The following CDC20B variants were observed in gnomAD, a reference collection of about 807,000 sequenced individuals.
CDC20B encodes the protein cell division cycle 20B.
CDC20B carries 58 observed loss-of-function variants against 64.1 expected under a neutral mutation model. The ratio of observed to expected loss-of-function variants is 0.90; its 90% CI spans 0.73 to 1.13. The LOEUF is 1.13. Among genes scored for constraint, CDC20B ranks in the 50% most tolerant of loss-of-function variants. The pLI, the probability that CDC20B is intolerant of heterozygous loss-of-function variation, is 0.00. For missense variants in CDC20B, 597 were observed against 633.0 expected (o/e 0.94, Z 0.61); for synonymous variants, 243 against 230.6 (o/e 1.05, Z -0.49).
intron 2 of CDC20B, among the ~76,000 whole-genome samples, chr5:55,157,846 A>T (rs1743858263): frequency 6.6e-6 from 1 of 152,230 alleles, no homozygotes. Flanking sequence ...CCTGCCAAAG[A>T]TAAATCACTC....
intron 2 of CDC20B, among the ~76,000 whole-genome samples, chr5:55,158,574 G>C (rs774644876): frequency 1.1e-4 from 17 of 152,130 alleles, no homozygotes; most frequent in Non-Finnish European, 2.4e-4. Context: ...AGAAGAGCAG[G>C]CAGCACCCTG....
At chr5:55,143,426 A>T in intron 4 of CDC20B, 87 bp downstream of exon 4, 1 of 1,352,356 alleles carries the variant, frequency 7.4e-7, no homozygotes, top group Non-Finnish European at 9.9e-7. Flanking sequence ...TTGGTAAGAG[A>T]ACTAAGCAAC....
rs752442856 is a variant in CDC20B, at chr5:55,172,948, T to C, written c.53A>G (p.Glu18Gly). The change falls in exon 1 of 12, where the codon GAG (glutamate) becomes GGG (glycine). Residue 18 changes from glutamate to glycine, a missense_variant. By Grantham distance (98) the Glu-to-Gly change is moderately conservative. This residue lies in a region of CDC20B where 241 missense variants were observed against 219.2 expected (regional missense o/e 1.10). Transcript: ENST00000381375. Reference protein sequence around the residue: ...TAPRRVRTEEEMLWESIMRVL... With the variant: ...TAPRRVRTEEGMLWESIMRVL... ...AAGGGTGTTACTCACCCACAGCATC[T>C]CCTCTTCCGTGCGGACCCTCCGAGG... 8 of 1,610,316 alleles carry C rather than the reference T, an allele frequency of 5.0e-6. No homozygotes were observed. Among genetic ancestry groups the C allele is most frequent in the Non-Finnish European group, 5.9e-6 (7 of 1,178,466 alleles).
chr5:55,148,555 A>C (rs938567702), intron 2 of CDC20B, among the ~76,000 whole-genome samples: 1 of 152,152 alleles, frequency 6.6e-6, no homozygotes, highest in African/African-American at 2.4e-5. Flanking sequence ...CTCTACAAAA[A>C]ATACAAGAAT....
At chr5:55,135,264 G>A (rs967828931) in intron 5 of CDC20B, among the ~76,000 whole-genome samples, 2 of 152,100 alleles carry the variant, frequency 1.3e-5, no homozygotes, top group African/African-American at 4.8e-5. Context: ...GAGAGAAAGA[G>A]AGAGGGAGAG....
chr5:55,115,907 A>G (rs919299020), intron 11 of CDC20B, among the ~76,000 whole-genome samples: 1 of 152,056 alleles, frequency 6.6e-6, no homozygotes, highest in African/African-American at 2.4e-5. Context: ...CACACACACC[A>G]CACACACACG....
chr5:55,161,074 G>A, intron 2 of CDC20B: 2 of 1,614,184 alleles, frequency 1.2e-6, no homozygotes, highest in South Asian at 2.2e-5. Flanking sequence ...TGCACAAAGA[G>A]TTTGGACCAT....
intron 8 of CDC20B, 67 bp from the exon 9 acceptor site, chr5:55,125,095 A>G: frequency 7.5e-7 from 1 of 1,328,904 alleles, no homozygotes; most frequent in Non-Finnish European, 1.1e-6. Flanking sequence ...CATGGAGGAA[A>G]GCATAGTTCA....
chr5:55,146,833 C>T lies in CDC20B; in HGVS notation c.150G>A (p.Thr50=), dbSNP rs752923802. 5.6e-6 allele frequency: 9 copies of T among 1,613,884 alleles called. No homozygotes were observed. The highest frequency in any genetic ancestry group is 2.2e-5 in the East Asian group (1 of 44,900). ...SANVLDSVNA[T]YSDFKSNFAK... is the part of the protein sequence containing the mutation. ...CAAAGTTGCTCTTAAAGTCAGAATA[C>T]GTAGCATTAACTGAATCGAGTACCT... is the stretch of plus-strand genomic sequence containing the variant. The change falls in exon 3 of 12, where the codon ACG becomes ACA. Residue 50 remains threonine (T), a synonymous_variant. Coordinates refer to ENST00000381375, the MANE Select transcript of CDC20B (RefSeq NM_001170402.1).
In CDC20B at chr5:55,146,775, T is replaced by C. The variant is rs774178279; in HGVS notation, c.208A>G (p.Ser70Gly). Residue 70 changes from serine (S) to glycine (G), a missense_variant, in exon 3 of 12, where the codon AGT (serine) becomes GGT (glycine). By Grantham distance (56) the Ser-to-Gly change is moderately conservative. Around this residue, in one of 3 missense-constraint regions of CDC20B, gnomAD observed 241 missense variants for 219.2 expected, o/e 1.10. Transcript: ENST00000381375. ...TGCCACCTTGTGGTAATGGGGCTAC[T>C]CGCAACAGGAACCTCTGCGGACAGC... is the stretch of plus-strand genomic sequence containing the variant. ...KRLSAEVPVA[S>G]SPITTRWQQS... 7 of 1,614,024 alleles carry C rather than the reference T, an allele frequency of 4.3e-6. No individual in the cohort carries two copies. The East Asian group carries it at 1.6e-4, about 36-fold the overall frequency.
intron 2 of CDC20B, among the ~76,000 whole-genome samples, chr5:55,167,865 AC>A (rs1368703815): frequency 5.3e-5 from 8 of 152,098 alleles, no homozygotes; most frequent in African/African-American, 1.9e-4. Flanking sequence ...CCCCATCTCT[AC>A]AAAAAAAATT....
intron 11 of CDC20B, among the ~76,000 whole-genome samples, chr5:55,116,881 T>G (rs1323865743): frequency 6.6e-6 from 1 of 152,238 alleles, no homozygotes; most frequent in Non-Finnish European, 1.5e-5. Context: ...AAATGGCATT[T>G]GGACTGGACG....
At chr5:55,149,991 A>C (rs1743615627) in intron 2 of CDC20B, among the ~76,000 whole-genome samples, 1 of 152,094 alleles carries the variant, frequency 6.6e-6, no homozygotes, top group Non-Finnish European at 1.5e-5. Flanking sequence ...AAAATTAGCC[A>C]GCCGTGGTGG....
intron 2 of CDC20B, among the ~76,000 whole-genome samples, chr5:55,147,885 G>A (rs1561296918): frequency 6.6e-6 from 1 of 152,134 alleles, no homozygotes; most frequent in Non-Finnish European, 1.5e-5. Context: ...TCACAGATGG[G>A]GAAGCTGAGG....
intron 2 of CDC20B, among the ~76,000 whole-genome samples, chr5:55,159,915 T>C (rs1193329391): frequency 2.0e-5 from 3 of 152,206 alleles, no homozygotes; most frequent in African/African-American, 7.2e-5. Flanking sequence ...TGGCGAAATA[T>C]TTTCTTTGTA....
At chr5:55,161,288 T>C (rs1221588036) in intron 2 of CDC20B, 1 of 1,581,272 alleles carries the variant, frequency 6.3e-7, no homozygotes, top group East Asian at 2.2e-5. Context: ...CTGTTTTAAA[T>C]TGCTTTTCAT....
chr5:55,151,829 G>A (rs1743675394), intron 2 of CDC20B, among the ~76,000 whole-genome samples: 1 of 152,148 alleles, frequency 6.6e-6, no homozygotes, highest in Non-Finnish European at 1.5e-5. Context: ...AACTAGATTA[G>A]GCAGCCAATG....
Position 55,172,663 on chromosome 5 carries a change from A to T in CDC20B, c.64-13T>A, listed in dbSNP as rs753528964. ...GCATGATACTTTCCTTTGAAAACAC[A>T]GATAACATATTGAGGGAGAAACTAT... On this transcript the variant is annotated splice_polypyrimidine_tract_variant and intron_variant, in intron 1 of 11. Coordinates refer to ENST00000381375, the MANE Select transcript of CDC20B (RefSeq NM_001170402.1). 26 of 1,594,152 alleles carry T rather than the reference A, an allele frequency of 1.6e-5. No homozygotes were observed. Among genetic ancestry groups the T allele is most frequent in the Non-Finnish European group, 2.2e-5 (25 of 1,162,420 alleles).
chr5:55,149,375 T>C (rs536762117), intron 2 of CDC20B, among the ~76,000 whole-genome samples: 21 of 152,336 alleles, frequency 1.4e-4, no homozygotes, highest in African/African-American at 2.9e-4. Flanking sequence ...CATAGGTATA[T>C]GTACTCAAAC....
Sources: allele counts gnomAD v4.1 joint callset (sites outside exome capture counted in the v4.1 genomes callset), GRCh38; gene constraint gnomAD v4.1.1; regional missense constraint gnomAD v4.1.1; transcripts MANE v1.5; gene names NCBI Gene and HGNC (gene_info 2026-07-23, HGNC 2026-07-21).